MBL2: variants seen among roughly 807,000 people sequenced by gnomAD.
MBL2 encodes the protein mannose-binding protein C.
Under a neutral mutation model 12.7 loss-of-function variants are expected in MBL2, and 6 were observed. The ratio of observed to expected loss-of-function variants is 0.47; its 90% CI spans 0.26 to 0.94. The LOEUF is 0.94. Ranked by LOEUF, MBL2 falls within the 40% of genes least tolerant of loss-of-function variation. The pLI is 0.15. For missense variants in MBL2, 307 were observed against 295.2 expected, an observed-to-expected ratio of 1.04 and a Z score of -0.29; for synonymous variants, 114 against 112.0, an observed-to-expected ratio of 1.02 and a Z score of -0.11.
intron 1 of MBL2, 80 bp downstream of exon 1, chr10:52,772,657 T>A: frequency 2.3e-4 from 150 of 654,630 alleles, no homozygotes; most frequent in Non-Finnish European, 2.6e-4. Context: ...CTAGAAAGCC[T>A]CCTCCATGCC....
At chr10:52,772,515 T>G (rs1178373424) in intron 1 of MBL2, among the ~76,000 whole-genome samples, 1 of 152,184 alleles carries the variant, frequency 6.6e-6, no homozygotes, top group East Asian at 1.9e-4. Flanking sequence ...CCTCCAAGTT[T>G]CCCTTTGAAA....
chr10:52,771,965 G>T (rs367826840), intron 1 of MBL2, among the ~76,000 whole-genome samples: 19 of 152,282 alleles, frequency 1.2e-4, no homozygotes, highest in African/African-American at 4.6e-4. Context: ...TTGCCAGCTG[G>T]CTTATGCCTG....
chr10:52,771,141 A>C (rs1310527200), intron 2 of MBL2, among the ~76,000 whole-genome samples: 2 of 152,086 alleles, frequency 1.3e-5, no homozygotes, highest in African/African-American at 4.8e-5. Context: ...GGCCTCTTGA[A>C]CCTGGTGCCA....
chr10:52,767,720 A>G lies in MBL2; in HGVS notation c.*417T>C, dbSNP rs1384299829. On this transcript the variant is annotated 3_prime_UTR_variant, in exon 5 of 5. Coordinates refer to ENST00000674931, the MANE Select transcript of MBL2 (RefSeq NM_001378373.1). ...ACTTGGTAAAAAGCTGTGGTATTAA[A>G]CTGTGGTGATGTCATTAGGGGAGCC... The G allele has an allele frequency of 6.5e-6, 1 of 153,846 alleles. No homozygotes were observed. 9.5% of individuals were successfully genotyped at this position (153,846 alleles called of 1,614,324 possible).
In MBL2 at chr10:52,771,663, A is replaced by G; in HGVS notation, c.-9-19T>C. The G allele has an allele frequency of 6.2e-7, 1 of 1,605,400 alleles. No individual in the cohort carries two copies. The highest frequency in any genetic ancestry group is 1.1e-5 in the South Asian group (1 of 89,772). ...TCCTCACCTTGGTGTGAGAAAACTC[A>G]GGGAAGGTTAATCTCAGTTAATGAA... On this transcript the variant is annotated intron_variant, in intron 1 of 4. Transcript: ENST00000674931.
At position 52,768,177 on chromosome 10, in the gene MBL2, C is replaced by A. The variant is rs767473969; in HGVS notation, c.707G>T (p.Cys236Phe). 6.8e-6 allele frequency: 11 copies of A among 1,611,670 alleles called. No homozygotes were observed. Among genetic ancestry groups the A allele is most frequent in the African/African-American group, 1.3e-5 (1 of 74,800 alleles). ...LKNGQWNDVP[C>F]STSHLAVCEF... Reference sequence around the variant, plus strand: ...ACAGACGGCCAGATGGGAGGTGGAGCAGGGGACGTCATTCCACTGGCCATT... The same window carrying A: ...ACAGACGGCCAGATGGGAGGTGGAGAAGGGGACGTCATTCCACTGGCCATT... Residue 236 changes from cysteine (C) to phenylalanine (F), a missense_variant, in exon 5 of 5, where the codon TGC becomes TTC. Physicochemically the swap from Cys to Phe is radical, Grantham distance 205 (BLOSUM62 -2). Coordinates refer to ENST00000674931, the MANE Select transcript of MBL2 (RefSeq NM_001378373.1).
At chr10:52,772,274 C>A (rs1390414637) in intron 1 of MBL2, among the ~76,000 whole-genome samples, 1 of 152,176 alleles carries the variant, frequency 6.6e-6, no homozygotes, top group Non-Finnish European at 1.5e-5. Context: ...CCTGGGTAAG[C>A]ATTTTCTCTG....
intron 1 of MBL2, among the ~76,000 whole-genome samples, chr10:52,772,461 T>C (rs1194652313): frequency 1.3e-5 from 2 of 152,190 alleles, no homozygotes; most frequent in African/African-American, 2.4e-5. Flanking sequence ...CTTCCAGCTA[T>C]TGCCCCCTAA....
chr10:52,768,998 A>C (rs1840350107), intron 4 of MBL2, among the ~76,000 whole-genome samples: 1 of 152,028 alleles, frequency 6.6e-6, no homozygotes, highest in Non-Finnish European at 1.5e-5. Context: ...GTAAAGGATT[A>C]GGGTCTCTCG....
At chr10:52,771,751 G>A in intron 1 of MBL2, 107 bp from the exon 2 acceptor site, 1 of 1,439,582 alleles carries the variant, frequency 6.9e-7, no homozygotes, top group Non-Finnish European at 9.2e-7. Context: ...AGAAATAGAT[G>A]ACCCATCCCT....
rs1308952744 is a variant in MBL2 at position 52,770,566 on chromosome 10, G to T, written c.304+104C>A. On this transcript the variant is annotated intron_variant, in intron 3 of 4. Coordinates refer to ENST00000674931, the MANE Select transcript of MBL2 (RefSeq NM_001378373.1). ...GGGCACTGGGTCAGAAAGCAAATTT[G>T]GGTATCTTCCTTTGAAGGAACAGGA... The T allele has an allele frequency of 7.8e-6, 5 of 641,560 alleles. No homozygotes were observed. The East Asian group carries it at 9.1e-5, about 12-fold the overall frequency. 39.7% of individuals were successfully genotyped at this position (641,560 alleles called of 1,614,324 possible).
rs1270931863 is a variant in MBL2, at chr10:52,767,198, G to A, written c.*939C>T. ...TCCACCAAAAGACAAGTCCAGGAAT[G>A]TTCGTGGGTTCTCTTCCTCATGGCC... On this transcript the variant is annotated 3_prime_UTR_variant, in exon 5 of 5. Transcript: ENST00000674931. 1 of 151,988 alleles carries A rather than the reference G, an allele frequency of 6.6e-6. No individual in the cohort carries two copies. The highest frequency in any genetic ancestry group is 1.5e-5 in the Non-Finnish European group (1 of 68,040). The allele number at this position is 151,988 out of a possible 1,614,324, so 9.4% of individuals were successfully genotyped here.
intron 2 of MBL2, 109 bp downstream of exon 2, chr10:52,771,340 A>G (rs1188051601): frequency 1.6e-6 from 2 of 1,214,226 alleles, no homozygotes; most frequent in Non-Finnish European, 2.3e-6. Flanking sequence ...TTTGAGTTAC[A>G]GTATAGTTGA....
rs753414577 is a variant in MBL2 at position 52,768,301 on chromosome 10, A to G, written c.583T>C (p.Phe195Leu). 2 of 1,613,724 alleles carry G rather than the reference A, an allele frequency of 1.2e-6. No homozygotes were observed. Among genetic ancestry groups the G allele is most frequent in the African/African-American group, 2.7e-5 (2 of 74,724 alleles). The change falls in exon 5 of 5, where the codon TTT (phenylalanine) becomes CTT (leucine). Residue 195 changes from phenylalanine to leucine, a missense_variant. Physicochemically the swap from Phe to Leu is conservative, Grantham distance 22. Coordinates refer to ENST00000674931, the MANE Select transcript of MBL2 (RefSeq NM_001378373.1). ...GITDEKTEGQ[F>L]VDLTGNRLTY... ...AGTCTATTTCCTGTCAGATCCACAA[A>G]CTGCCCTTCTGTCTTCTCATCAGTG...
At chr10:52,769,603 G>T (rs951376712) in intron 3 of MBL2, among the ~76,000 whole-genome samples, 1 of 151,956 alleles carries the variant, frequency 6.6e-6, no homozygotes, top group South Asian at 2.1e-4. Flanking sequence ...CATATGCCAG[G>T]TTCTTCACAG....
rs1840312252 is a variant in MBL2 at position 52,766,860 on chromosome 10, CAAA to C, written c.*1274_*1276del. The stretch of plus-strand genomic sequence containing the variant: ...TACAAAAATGTGAACGGGTACTTCA[CAAA>C]AGAAGATACCCAAGTGCCCAATAAG... On this transcript the variant is annotated 3_prime_UTR_variant, in exon 5 of 5. Coordinates refer to ENST00000674931, the MANE Select transcript of MBL2 (RefSeq NM_001378373.1). The C allele has an allele frequency of 6.6e-6, 1 of 151,862 alleles. No individual in the cohort carries two copies. The allele number at this position is 151,862 out of a possible 1,614,324, so 9.4% of individuals were successfully genotyped here.
chr10:52,766,110 A>G lies in MBL2; in HGVS notation c.*2027T>C, dbSNP rs543238249. The stretch of plus-strand genomic sequence containing the variant: ...AAATTCTAGTTACATGAAGCGATAC[A>G]TGATGAACATTGATTAGAGATTCAG... On this transcript the variant is annotated 3_prime_UTR_variant, in exon 5 of 5. Coordinates refer to ENST00000674931, the MANE Select transcript of MBL2 (RefSeq NM_001378373.1). The G allele has an allele frequency of 2.0e-5, 3 of 152,214 alleles. No individual in the cohort carries two copies. The highest frequency in any genetic ancestry group is 7.2e-5 in the African/African-American group (3 of 41,478). The allele number at this position is 152,214 out of a possible 1,614,324, so 9.4% of individuals were successfully genotyped here.
intron 1 of MBL2, 155 bp from the exon 2 acceptor site, chr10:52,771,799 T>C (rs1840397463): frequency 3.8e-6 from 4 of 1,061,050 alleles, no homozygotes; most frequent in Non-Finnish European, 4.0e-6. Context: ...AAACATTCCT[T>C]GTGACACTGC....
chr10:52,765,737 A>G lies in MBL2; in HGVS notation c.*2400T>C, dbSNP rs1840295804. 2 of 152,156 alleles carry G rather than the reference A, an allele frequency of 1.3e-5. No homozygotes were observed. Among genetic ancestry groups the G allele is most frequent in the South Asian group, 4.1e-4 (2 of 4,826 alleles). The allele number at this position is 152,156 out of a possible 1,614,324, so 9.4% of individuals were successfully genotyped here. ...GCACTTCATTATATTGTCTTTCAGG[A>G]GTCTATACCTGATCTGGTGGTCTCT... is the stretch of plus-strand genomic sequence containing the variant. On this transcript the variant is annotated 3_prime_UTR_variant, in exon 5 of 5. Transcript: ENST00000674931.
Sources: allele counts gnomAD v4.1 joint callset (sites outside exome capture counted in the v4.1 genomes callset), GRCh38; gene constraint gnomAD v4.1.1; transcripts MANE v1.5; gene names NCBI Gene and HGNC (gene_info 2026-07-23, HGNC 2026-07-21).